Variants in RETREG1 observed in about 807,000 individuals in gnomAD.
RETREG1 encodes the protein family with sequence similarity 134 member B.
RETREG1 carries 44 observed loss-of-function variants against 54.8 expected under a neutral mutation model. The ratio of observed to expected loss-of-function variants is 0.80; its 90% confidence interval spans 0.63 to 1.03. The LOEUF is 1.03. Ranked by LOEUF, RETREG1 falls within the 50% of genes least tolerant of loss-of-function variation. RETREG1 has a pLI of 0.00. For missense variants in RETREG1, 554 were observed against 605.1 expected, an observed-to-expected ratio of 0.92 and a Z score of 0.89; for synonymous variants, 217 against 238.5, an observed-to-expected ratio of 0.91 and a Z score of 0.83.
At chr5:16,588,228 GGTTTTTCCTGA>G (rs1051282331) in intron 1 of RETREG1, among the ~76,000 whole-genome samples, 11 of 152,342 alleles carry the variant, frequency 7.2e-5, no homozygotes, top group East Asian at 5.8e-4. Context: ...CTGCAGGTTT[GGTTTTTCCTGA>G]GGCCTCTCTT....
At chr5:16,479,347 C>A (rs531371912) in intron 5 of RETREG1, among the ~76,000 whole-genome samples, 61 of 152,082 alleles carry the variant, frequency 4.0e-4, no homozygotes, top group Non-Finnish European at 5.0e-4. Flanking sequence ...CCTTTCAATC[C>A]TTTTATTCTC....
At chr5:16,608,840 A>G (rs1003886870) in intron 1 of RETREG1, among the ~76,000 whole-genome samples, 3 of 152,226 alleles carry the variant, frequency 2.0e-5, no homozygotes, top group Non-Finnish European at 4.4e-5. Context: ...CTCTCCCAAT[A>G]TAATTTTTTC....
chr5:16,537,582 C>G (rs34626934), intron 3 of RETREG1, among the ~76,000 whole-genome samples: 2 of 152,206 alleles, frequency 1.3e-5, no homozygotes, highest in African/African-American at 4.8e-5. Flanking sequence ...CCTGTAATCC[C>G]AGCTACTTGG....
intron 1 of RETREG1, among the ~76,000 whole-genome samples, chr5:16,607,987 C>G (rs917432436): frequency 1.3e-5 from 2 of 152,108 alleles, no homozygotes; most frequent in African/African-American, 4.8e-5. Context: ...TCAAGTGAAT[C>G]TCCTGCCCCA....
At position 16,474,615 on chromosome 5, in the gene RETREG1, A is replaced by G; in HGVS notation, c.*126T>C. Reference sequence around the variant, plus strand: ...CAATTAATTCACTGCAGGAGGGAAAATAAAACAAATCTAAAGTAATCATTA... The same window carrying G: ...CAATTAATTCACTGCAGGAGGGAAAGTAAAACAAATCTAAAGTAATCATTA... On this transcript the variant is annotated 3_prime_UTR_variant, in exon 9 of 9. Coordinates refer to ENST00000306320, the MANE Select transcript of RETREG1 (RefSeq NM_001034850.3). 8.2e-7 allele frequency: 1 copy of G among 1,214,984 alleles called. No homozygotes were observed. Among genetic ancestry groups the G allele is most frequent in the Non-Finnish European group, 1.2e-6 (1 of 869,430 alleles). The allele number at this position is 1,214,984 out of a possible 1,614,324, so 75.3% of individuals were successfully genotyped here. A position where few individuals can be genotyped will look rare whatever the true frequency, so the allele number is the denominator to read the frequency against.
chr5:16,515,726 C>G (rs1484111677), intron 3 of RETREG1, among the ~76,000 whole-genome samples: 3 of 152,186 alleles, frequency 2.0e-5, no homozygotes, highest in Non-Finnish European at 4.4e-5. Flanking sequence ...TTCAAATCCT[C>G]TTCACTATTA....
intron 3 of RETREG1, among the ~76,000 whole-genome samples, chr5:16,564,671 G>A (rs2592036): frequency 2.1e-4 from 32 of 152,182 alleles, no homozygotes; most frequent in Non-Finnish European, 4.6e-4. Context: ...CAGGCTGCCC[G>A]CCACCTCCAC....
rs200188387 is a variant in RETREG1 at position 16,497,736 on chromosome 5, A to G, written c.459-14264T>C. On this transcript the variant is annotated intron_variant, in intron 3 of 8. Coordinates refer to ENST00000306320, the MANE Select transcript of RETREG1 (RefSeq NM_001034850.3). ...ACCATTGCCATGCATGGCAGACCACACTAATGTGTCACAGCACTCTTTCCA... is the reference window on the plus strand; with the variant it reads ...ACCATTGCCATGCATGGCAGACCACGCTAATGTGTCACAGCACTCTTTCCA... Among the ~76,000 whole-genome samples, 4 of 152,042 alleles carry G rather than the reference A, an allele frequency of 2.6e-5. No homozygotes were observed. In the East Asian group the frequency reaches 7.7e-4, roughly 29 times the overall value.
intron 1 of RETREG1, among the ~76,000 whole-genome samples, chr5:16,595,653 C>T (rs1461920931): frequency 6.6e-6 from 1 of 152,170 alleles, no homozygotes. Flanking sequence ...ACACCTGTTT[C>T]AAGTAGATGT....
chr5:16,560,830 C>A (rs1006446236), intron 3 of RETREG1, among the ~76,000 whole-genome samples: 2 of 152,298 alleles, frequency 1.3e-5, no homozygotes, highest in Non-Finnish European at 1.5e-5. Flanking sequence ...CTAAGAATCA[C>A]TGCAGACAAC....
At chr5:16,615,349 G>A (rs1296491786) in intron 1 of RETREG1, among the ~76,000 whole-genome samples, 1 of 143,260 alleles carries the variant, frequency 7.0e-6, no homozygotes, top group Non-Finnish European at 1.5e-5. Context: ...GCAGCGAGCC[G>A]AGATCGCGCC....
At chr5:16,527,308 C>T (rs595358) in intron 3 of RETREG1, among the ~76,000 whole-genome samples, 129,677 of 152,218 alleles carry the variant, frequency 0.85, 55,304 homozygotes, top group Middle Eastern at 0.88. Flanking sequence ...CCTGCTCCTC[C>T]GGGCAGGGCT....
intron 1 of RETREG1, among the ~76,000 whole-genome samples, chr5:16,603,860 C>A (rs1049635778): frequency 6.9e-6 from 1 of 144,580 alleles, no homozygotes; most frequent in African/African-American, 2.5e-5. Flanking sequence ...ACCCACCCCC[C>A]ACCCGCCACC....
intron 3 of RETREG1, among the ~76,000 whole-genome samples, chr5:16,489,498 T>G (rs1433000480): frequency 6.6e-6 from 1 of 152,224 alleles, no homozygotes; most frequent in Non-Finnish European, 1.5e-5. Context: ...ACAGAACATG[T>G]GCTAGCAGCC....
At chr5:16,503,670 A>T (rs940243547) in intron 3 of RETREG1, among the ~76,000 whole-genome samples, 3 of 147,994 alleles carry the variant, frequency 2.0e-5, no homozygotes, top group Admixed American at 6.7e-5. Flanking sequence ...CTCAAAAAAA[A>T]AAAAAAAAGA....
chr5:16,566,521 G>C (rs1177759754), intron 2 of RETREG1, among the ~76,000 whole-genome samples: 1 of 152,218 alleles, frequency 6.6e-6, no homozygotes, highest in African/African-American at 2.4e-5. Flanking sequence ...TCATGAGGAA[G>C]CTTCCGCATT....
intron 1 of RETREG1, among the ~76,000 whole-genome samples, chr5:16,607,197 T>C (rs1561138027): frequency 6.6e-6 from 1 of 152,202 alleles, no homozygotes; most frequent in Non-Finnish European, 1.5e-5. Context: ...TCTGGCATTT[T>C]GTATATTTGT....
chr5:16,607,835 T>C (rs936389682), intron 1 of RETREG1, among the ~76,000 whole-genome samples: 1 of 151,238 alleles, frequency 6.6e-6, no homozygotes, highest in Admixed American at 6.6e-5. Flanking sequence ...AGCAAGCACA[T>C]AAATCTCCCC....
In RETREG1 at chr5:16,565,768, A is replaced by T; in HGVS notation, c.453T>A (p.Ser151Arg). ...TRGAQLWRSL[S>R]ESWEVINSKP... is the part of the protein sequence containing the mutation. ...ACGGAAAGAAAGTTCCCTACCTTTC[A>T]CTGAGGCTTCTCCACAACTGTGCAC... Residue 151 changes from serine (S) to arginine (R), a missense_variant, in exon 3 of 9, where the codon AGT becomes AGA. Physicochemically the swap from Ser to Arg is moderately radical, Grantham distance 110. Coordinates refer to ENST00000306320, the MANE Select transcript of RETREG1 (RefSeq NM_001034850.3). 1 of 1,614,032 alleles carries T rather than the reference A, an allele frequency of 6.2e-7. No homozygotes were observed. The highest frequency in any genetic ancestry group is 8.5e-7 in the Non-Finnish European group (1 of 1,179,994).
Sources: gnomAD v4.1 joint callset for allele counts (sites outside exome capture counted in the v4.1 genomes callset) on GRCh38, gnomAD v4.1.1 for gene constraint, MANE v1.5 for transcripts, NCBI Gene and HGNC (gene_info 2026-07-23, HGNC 2026-07-21) for gene names.